GABBR2: variants seen among roughly 807,000 people sequenced by gnomAD.
GABBR2 encodes the protein gamma-aminobutyric acid type B receptor subunit 2, also known as G-protein coupled receptor 51.
GABBR2 carries 23 observed loss-of-function variants against 105.6 expected under a neutral mutation model. The ratio of observed to expected loss-of-function variants is 0.22; its 90% CI spans 0.16 to 0.31. GABBR2 has a LOEUF of 0.31. GABBR2 is among the 10% of genes least tolerant of loss of function. GABBR2 has a pLI of 1.00. For synonymous variants in GABBR2, 478 were observed against 499.7 expected (o/e 0.96, Z 0.58); for missense variants, 734 against 1,245.5 (o/e 0.59, Z 6.18).
chr9:98,638,790 A>G (rs1219021176), intron 1 of GABBR2, among the ~76,000 whole-genome samples: 1 of 152,200 alleles, frequency 6.6e-6, no homozygotes, highest in African/African-American at 2.4e-5. Context: ...ACCTGGACCC[A>G]TTTAGATTAA....
intron 3 of GABBR2, among the ~76,000 whole-genome samples, chr9:98,522,856 T>C (rs1181072364): frequency 1.3e-5 from 2 of 152,052 alleles, no homozygotes; most frequent in East Asian, 3.9e-4. Context: ...AAAAAGCATA[T>C]CCACAATGTA....
intron 7 of GABBR2, 129 bp downstream of exon 7, chr9:98,453,852 G>A (rs931249845): frequency 4.1e-6 from 3 of 727,088 alleles, no homozygotes; most frequent in African/African-American, 3.5e-5. Flanking sequence ...CAATCCTAGG[G>A]CCTGCAATTA....
At chr9:98,455,834 C>T (rs1280221317) in intron 6 of GABBR2, among the ~76,000 whole-genome samples, 1 of 152,198 alleles carries the variant, frequency 6.6e-6, no homozygotes, top group Non-Finnish European at 1.5e-5. Flanking sequence ...CGGCTGTGAA[C>T]CTTGCAGGCA....
chr9:98,708,065 G>C (rs933028921), intron 1 of GABBR2, among the ~76,000 whole-genome samples: 10 of 152,196 alleles, frequency 6.6e-5, no homozygotes, highest in Non-Finnish European at 1.0e-4. Context: ...CCCCATGAGC[G>C]GGACCTGGAC....
intron 2 of GABBR2, among the ~76,000 whole-genome samples, chr9:98,557,338 G>A (rs1344051649): frequency 6.6e-6 from 1 of 152,088 alleles, no homozygotes; most frequent in Admixed American, 6.6e-5. Context: ...CTTATCACCT[G>A]TACTGTCATT....
chr9:98,451,463 C>G (rs970128424), intron 7 of GABBR2, among the ~76,000 whole-genome samples: 4 of 152,188 alleles, frequency 2.6e-5, no homozygotes, highest in Non-Finnish European at 5.9e-5. Flanking sequence ...TCCAGAATGG[C>G]TCTGCTTGGG....
Position 98,575,735 on chromosome 9 carries a change from G to C in GABBR2, c.459+2200C>G, listed in dbSNP as rs1828897798. ...CTCCCACGGCACACTGAGCCATGCT[G>C]GCTTTCAGGTGTGTGGTTAGGTTTG... On this transcript the variant is annotated intron_variant, in intron 2 of 18. Coordinates refer to ENST00000259455, the MANE Select transcript of GABBR2 (RefSeq NM_005458.8). Among the ~76,000 whole-genome samples the C allele has an allele frequency of 2.0e-5, 3 of 152,316 alleles. No homozygotes were observed. In the South Asian group the frequency reaches 6.2e-4, roughly 32 times the overall value.
At chr9:98,351,538 T>A (rs1226023666) in intron 13 of GABBR2, among the ~76,000 whole-genome samples, 1 of 152,240 alleles carries the variant, frequency 6.6e-6, no homozygotes, top group African/African-American at 2.4e-5. Flanking sequence ...TTTTTGCTTA[T>A]CTGGGAAATG....
chr9:98,555,793 T>G (rs884886), intron 2 of GABBR2: 110,231 of 152,124 alleles, frequency 0.72, 40,427 homozygotes, highest in Middle Eastern at 0.92. Flanking sequence ...CATTTCTTAC[T>G]TCTGGGATCA....
At chr9:98,519,806 A>G (rs1284809794) in intron 3 of GABBR2, among the ~76,000 whole-genome samples, 1 of 151,760 alleles carries the variant, frequency 6.6e-6, no homozygotes, top group East Asian at 1.9e-4. Context: ...AAATGCAGCC[A>G]TACACAATGT....
chr9:98,293,652 T>C (rs1830335548), intron 18 of GABBR2, 133 bp downstream of exon 18: 1 of 601,130 alleles, frequency 1.7e-6, no homozygotes, highest in Admixed American at 2.6e-5. Context: ...GCACTGTAAT[T>C]GGACTGCATC....
At chr9:98,615,786 T>C (rs1234085749) in intron 1 of GABBR2, among the ~76,000 whole-genome samples, 1 of 152,156 alleles carries the variant, frequency 6.6e-6, no homozygotes, top group Admixed American at 6.5e-5. Flanking sequence ...AATTTCACCC[T>C]CTAAACAGCT....
rs58301746 is a variant in GABBR2, at chr9:98,496,193, T to C, written c.732+220A>G. 10,312 of 576,870 alleles carry C rather than the reference T, an allele frequency of 0.018. 803 individuals carry two copies. The highest frequency in any genetic ancestry group is 0.17 in the African/African-American group (8,967 of 53,460). 35.7% of individuals were successfully genotyped at this position (576,870 alleles called of 1,614,324 possible). On this transcript the variant is annotated intron_variant, in intron 4 of 18. Coordinates refer to ENST00000259455, the MANE Select transcript of GABBR2 (RefSeq NM_005458.8). ...ATAAAACCATCAGGAAAGTGCTCAG[T>C]GGCTGTGCACCTGCAGCCAGCACCT...
chr9:98,590,081 G>C (rs1057400619), intron 1 of GABBR2, among the ~76,000 whole-genome samples: 2 of 152,084 alleles, frequency 1.3e-5, no homozygotes, highest in South Asian at 2.1e-4. Context: ...AAAGAGTTTG[G>C]CCCCAAACAG....
chr9:98,705,638 A>G (rs919575782), intron 1 of GABBR2, among the ~76,000 whole-genome samples: 1 of 151,442 alleles, frequency 6.6e-6, no homozygotes, highest in Non-Finnish European at 1.5e-5. Context: ...GACCCTAAAC[A>G]CTCTAACACT....
At chr9:98,666,305 C>T (rs1830332332) in intron 1 of GABBR2, among the ~76,000 whole-genome samples, 1 of 152,174 alleles carries the variant, frequency 6.6e-6, no homozygotes, top group African/African-American at 2.4e-5. Flanking sequence ...AGGTAGAATA[C>T]ATGGGTCTGG....
chr9:98,613,730 C>G (rs1207707806), intron 1 of GABBR2, among the ~76,000 whole-genome samples: 1 of 152,198 alleles, frequency 6.6e-6, no homozygotes, highest in African/African-American at 2.4e-5. Flanking sequence ...GAGAGGAAAA[C>G]AGAGACATTT....
At chr9:98,642,746 C>T (rs1385211682) in intron 1 of GABBR2, among the ~76,000 whole-genome samples, 4 of 152,282 alleles carry the variant, frequency 2.6e-5, no homozygotes, top group Admixed American at 1.3e-4. Flanking sequence ...TTTAGGCGTG[C>T]GCGTGTGTGT....
intron 1 of GABBR2, chr9:98,707,592 G>T (rs1007462133): frequency 1.3e-5 from 2 of 152,508 alleles, no homozygotes; most frequent in African/African-American, 4.8e-5. Flanking sequence ...CTCTGGCTCC[G>T]CTCCGGACTG....
Sources: allele counts gnomAD v4.1 joint callset (sites outside exome capture counted in the v4.1 genomes callset), GRCh38; gene constraint gnomAD v4.1.1; transcripts MANE v1.5; gene names NCBI Gene and HGNC (gene_info 2026-07-23, HGNC 2026-07-21).